Variants in NEK1 observed in about 807,000 individuals in gnomAD.
NEK1 encodes serine/threonine-protein kinase Nek1.
Under a neutral mutation model 182.1 loss-of-function variants are expected in NEK1, and 137 were observed. The ratio of observed to expected loss-of-function variants is 0.75; its 90% confidence interval spans 0.65 to 0.87. NEK1 has a LOEUF of 0.87. NEK1 is among the 40% of genes least tolerant of loss of function. The pLI is 0.00. For synonymous variants in NEK1, 513 were observed against 492.2 expected, an observed-to-expected ratio of 1.04 and a Z score of -0.56; for missense variants, 1,391 against 1,494.4, an observed-to-expected ratio of 0.93 and a Z score of 1.14.
intron 23 of NEK1, among the ~76,000 whole-genome samples, chr4:169,497,783 T>C (rs1252640917): frequency 6.6e-6 from 1 of 152,232 alleles, no homozygotes; most frequent in East Asian, 1.9e-4. Context: ...TTTGTTATAA[T>C]TTCTGTTCTT....
intron 27 of NEK1, among the ~76,000 whole-genome samples, chr4:169,458,946 T>C (rs1349844115): frequency 2.0e-5 from 3 of 152,034 alleles, no homozygotes; most frequent in African/African-American, 2.4e-5. Context: ...TTTTGGAACA[T>C]TGTTATAATG....
chr4:169,465,341 C>A (rs1190981059), intron 26 of NEK1, among the ~76,000 whole-genome samples: 1 of 152,006 alleles, frequency 6.6e-6, no homozygotes, highest in East Asian at 1.9e-4. Context: ...TGGAATTTAA[C>A]CCCTTCAATG....
chr4:169,465,951 C>A (rs943213960), intron 26 of NEK1, among the ~76,000 whole-genome samples: 1 of 151,688 alleles, frequency 6.6e-6, no homozygotes, highest in Non-Finnish European at 1.5e-5. Context: ...TGGACACCCC[C>A]AAAAAATTAT....
intron 26 of NEK1, among the ~76,000 whole-genome samples, chr4:169,475,153 G>A (rs1660958062): frequency 6.6e-6 from 1 of 152,160 alleles, no homozygotes; most frequent in South Asian, 2.1e-4. Context: ...TGGGATTCCT[G>A]GAAGACCAAA....
rs141762250 is a variant in NEK1 at position 169,607,591 on chromosome 4, T to C, written c.-49+4429A>G. 8.2e-3 allele frequency among the ~76,000 whole-genome samples: 1,250 copies of C among 152,072 alleles called. 14 individuals carry two copies. Among genetic ancestry groups the C allele is most frequent in the African/African-American group, 0.028 (1,181 of 41,470 alleles). On this transcript the variant is annotated intron_variant, in intron 2 of 35. Coordinates refer to ENST00000507142, the MANE Select transcript of NEK1 (RefSeq NM_001199397.3). ...CATTCTTCTGCCTCAGCCTCCCAAG[T>C]AGCTGGGACTACAGGCGCCTGCCAC...
chr4:169,502,068 G>A (rs901270208), intron 23 of NEK1, among the ~76,000 whole-genome samples: 12 of 151,708 alleles, frequency 7.9e-5, no homozygotes, highest in Admixed American at 3.3e-4. Context: ...ACATTACAAC[G>A]GATCCCACAG....
chr4:169,433,433 G>C, intron 29 of NEK1, 112 bp downstream of exon 29: 1 of 964,026 alleles, frequency 1.0e-6, no homozygotes, highest in Admixed American at 2.4e-5. Flanking sequence ...CCTTTTATAA[G>C]GTATTACAAT....
At chr4:169,490,804 T>C (rs761901039) in intron 23 of NEK1, among the ~76,000 whole-genome samples, 2 of 152,000 alleles carry the variant, frequency 1.3e-5, no homozygotes, top group African/African-American at 2.4e-5. Flanking sequence ...ATAGGAATTA[T>C]GGAACACCAT....
intron 18 of NEK1, among the ~76,000 whole-genome samples, chr4:169,539,585 T>A (rs1193684079): frequency 1.3e-5 from 2 of 152,074 alleles, no homozygotes; most frequent in African/African-American, 4.8e-5. Flanking sequence ...ATAAGGTATA[T>A]CTGGTCGTAA....
intron 4 of NEK1, among the ~76,000 whole-genome samples, chr4:169,599,773 A>G (rs1290450463): frequency 6.6e-6 from 1 of 152,182 alleles, no homozygotes; most frequent in Non-Finnish European, 1.5e-5. Flanking sequence ...TTTGTGAACA[A>G]ACATGAAGAT....
chr4:169,576,216 T>C (rs935770261), intron 12 of NEK1, among the ~76,000 whole-genome samples: 5 of 152,086 alleles, frequency 3.3e-5, no homozygotes, highest in African/African-American at 1.2e-4. Context: ...CCACCCGCCT[T>C]GACCTCCCAA....
chr4:169,569,723 A>C (rs1764353523), intron 12 of NEK1, among the ~76,000 whole-genome samples: 1 of 152,092 alleles, frequency 6.6e-6, no homozygotes, highest in South Asian at 2.1e-4. Flanking sequence ...CCAGCTCCTA[A>C]CTGCGAGTGA....
chr4:169,604,604 A>T (rs992411271), intron 2 of NEK1, among the ~76,000 whole-genome samples: 3 of 151,924 alleles, frequency 2.0e-5, no homozygotes, highest in African/African-American at 4.8e-5. Context: ...ATTGTAAATT[A>T]AAAAATCCAT....
At chr4:169,586,464 C>T (rs899184802) in intron 9 of NEK1, among the ~76,000 whole-genome samples, 3 of 151,954 alleles carry the variant, frequency 2.0e-5, no homozygotes, top group African/African-American at 4.8e-5. Context: ...TCAATTGACA[C>T]GCTCTTCATA....
In NEK1 at chr4:169,479,411, C is replaced by T; in HGVS notation, c.2131G>A (p.Val711Ile). Residue 711 changes from valine (V) to isoleucine (I), a missense_variant, in exon 24 of 36, where the codon GTT (valine) becomes ATT (isoleucine). By Grantham distance (29) the Val-to-Ile change is conservative. This residue lies in a region of NEK1 where 1,216 missense variants were observed against 1,277.6 expected (regional missense o/e 0.95). Transcript: ENST00000507142. Reference sequence around the variant, plus strand: ...AATCTTAGGAAACTTACCACGCCAACTTCTTTCAAAGCTGAAGTTACAGAA... The same window carrying T: ...AATCTTAGGAAACTTACCACGCCAATTTCTTTCAAAGCTGAAGTTACAGAA... The part of the protein sequence containing the change: ...VISVTSALKE[V>I]GVDSSLTDTR... The T allele has an allele frequency of 2.5e-6, 4 of 1,608,986 alleles. No homozygotes were observed. Among genetic ancestry groups the T allele is most frequent in the Non-Finnish European group, 3.4e-6 (4 of 1,177,904 alleles).
intron 31 of NEK1, among the ~76,000 whole-genome samples, chr4:169,413,986 C>T (rs1734096248): frequency 6.6e-6 from 1 of 152,166 alleles, no homozygotes; most frequent in Non-Finnish European, 1.5e-5. Context: ...CACTGCACTG[C>T]AGCCTGGGTG....
At chr4:169,549,805 C>T (rs185655911) in intron 18 of NEK1, among the ~76,000 whole-genome samples, 2 of 151,868 alleles carry the variant, frequency 1.3e-5, no homozygotes, top group Non-Finnish European at 1.5e-5. Context: ...CTGCCACCTC[C>T]GCTTCCCAGG....
At chr4:169,480,432 C>T (rs780535227) in intron 23 of NEK1, among the ~76,000 whole-genome samples, 33 of 147,756 alleles carry the variant, frequency 2.2e-4, no homozygotes, top group Middle Eastern at 3.5e-3. Context: ...TATGTTTACA[C>T]GATTCTGTAG....
intron 31 of NEK1, among the ~76,000 whole-genome samples, chr4:169,413,023 A>C (rs560524409): frequency 6.6e-6 from 1 of 152,078 alleles, no homozygotes; most frequent in African/African-American, 2.4e-5. Flanking sequence ...AACTTTTCAG[A>C]CTGTTCTGAT....
Sources: gnomAD v4.1 joint callset for allele counts (sites outside exome capture counted in the v4.1 genomes callset) on GRCh38, gnomAD v4.1.1 for gene constraint, gnomAD v4.1.1 regional missense constraint, MANE v1.5 for transcripts, NCBI Gene and HGNC (gene_info 2026-07-23, HGNC 2026-07-21) for gene names.